Variants in LAMA2 observed in about 807,000 individuals in gnomAD.
LAMA2 encodes laminin subunit alpha-2.
LAMA2 carries 269 observed loss-of-function variants against 364.8 expected under a neutral mutation model. The observed-to-expected ratio is 0.74, with a 90% confidence interval of 0.67 to 0.82. LAMA2 has a LOEUF of 0.82. Ranked by LOEUF, LAMA2 falls within the 40% of genes least tolerant of loss-of-function variation. The probability of loss-of-function intolerance (pLI) is 0.00; values close to 1 mark genes in which losing one functional copy is unlikely to be tolerated. For synonymous variants in LAMA2, 1,379 were observed against 1,370.6 expected, an observed-to-expected ratio of 1.01 and a Z score of -0.14; for missense variants, 3,807 against 3,873.2, an observed-to-expected ratio of 0.98 and a Z score of 0.45.
At position 129,290,278 on chromosome 6, in the gene LAMA2, A is replaced by T. The variant is rs550897816; in HGVS notation, c.2750-1336A>T. ...GAAACTTTCATAAAATAATAAAAGTATATACAAATTCGATAAATCAGATGA... is the reference window on the plus strand; with the variant it reads ...GAAACTTTCATAAAATAATAAAAGTTTATACAAATTCGATAAATCAGATGA... On this transcript the variant is annotated intron_variant, in intron 19 of 64. Transcript: ENST00000421865. Among the ~76,000 whole-genome samples, 5 of 152,322 alleles carry T rather than the reference A, an allele frequency of 3.3e-5. No individual in the cohort carries two copies. The East Asian group carries it at 9.6e-4, about 29-fold the overall frequency.
chr6:129,251,807 C>A (rs1434192298), intron 13 of LAMA2, among the ~76,000 whole-genome samples: 1 of 151,876 alleles, frequency 6.6e-6, no homozygotes, highest in African/African-American at 2.4e-5. Flanking sequence ...TGGTGGCAGG[C>A]GCCTGTAATC....
intron 1 of LAMA2, among the ~76,000 whole-genome samples, chr6:128,894,078 A>G (rs1029475168): frequency 6.6e-6 from 1 of 152,152 alleles, no homozygotes; most frequent in Admixed American, 6.5e-5. Context: ...TTCTATACCA[A>G]AACTCAGTAA....
chr6:129,264,186 G>T (rs1258315791), intron 15 of LAMA2, among the ~76,000 whole-genome samples: 1 of 152,158 alleles, frequency 6.6e-6, no homozygotes, highest in African/African-American at 2.4e-5. Flanking sequence ...TAGGATCATG[G>T]CAGGGAATAT....
intron 1 of LAMA2, among the ~76,000 whole-genome samples, chr6:128,981,319 C>T (rs1388410455): frequency 6.6e-6 from 1 of 152,124 alleles, no homozygotes; most frequent in East Asian, 1.9e-4. Flanking sequence ...TGGTCGGCTT[C>T]TGTCACCCAG....
At chr6:129,412,264 G>T (rs1583688372) in intron 40 of LAMA2, among the ~76,000 whole-genome samples, 1 of 152,106 alleles carries the variant, frequency 6.6e-6, no homozygotes, top group South Asian at 2.1e-4. Flanking sequence ...TTCTTCAGGG[G>T]ACCTCAGTAA....
At chr6:129,474,756 ATTCTAT>A (rs1783984897) in intron 52 of LAMA2, among the ~76,000 whole-genome samples, 1 of 152,216 alleles carries the variant, frequency 6.6e-6, no homozygotes, top group Non-Finnish European at 1.5e-5. Context: ...TGCCTGTTAA[ATTCTAT>A]AAAATCTGTT....
chr6:128,925,918 G>T (rs1043888267), intron 1 of LAMA2, among the ~76,000 whole-genome samples: 2 of 151,938 alleles, frequency 1.3e-5, no homozygotes, highest in Non-Finnish European at 2.9e-5. Flanking sequence ...AACTTCCTGG[G>T]CCTAAACTGA....
chr6:129,256,256 T>C (rs1786654080), intron 14 of LAMA2, among the ~76,000 whole-genome samples: 1 of 152,178 alleles, frequency 6.6e-6, no homozygotes, highest in African/African-American at 2.4e-5. Flanking sequence ...GACAAGGCTC[T>C]TTACTCCTCT....
chr6:129,081,410 A>T (rs1312795900), intron 3 of LAMA2, among the ~76,000 whole-genome samples: 1 of 152,184 alleles, frequency 6.6e-6, no homozygotes, highest in Non-Finnish European at 1.5e-5. Context: ...AAAGAAACTT[A>T]AAAAAAATGA....
intron 12 of LAMA2, among the ~76,000 whole-genome samples, chr6:129,229,614 C>T (rs924440937): frequency 9.2e-5 from 14 of 151,820 alleles, no homozygotes; most frequent in African/African-American, 3.4e-4. Flanking sequence ...AACAGATAGA[C>T]CAGTTAAGAG....
intron 30 of LAMA2, among the ~76,000 whole-genome samples, chr6:129,344,883 AG>A (rs1418017592): frequency 6.6e-6 from 1 of 152,186 alleles, no homozygotes; most frequent in Admixed American, 6.5e-5. Flanking sequence ...AGCACATAGA[AG>A]CCAATAACGT....
intron 7 of LAMA2, among the ~76,000 whole-genome samples, chr6:129,149,536 A>G (rs1349073987): frequency 6.6e-6 from 1 of 152,152 alleles, no homozygotes; most frequent in Non-Finnish European, 1.5e-5. Flanking sequence ...AGACATTTTA[A>G]ATTAATACCA....
intron 4 of LAMA2, among the ~76,000 whole-genome samples, chr6:129,134,154 G>A (rs564192095): frequency 1.2e-4 from 18 of 152,156 alleles, no homozygotes; most frequent in East Asian, 3.8e-4. Flanking sequence ...TGATTGTTCC[G>A]TCTCACCAAT....
chr6:129,086,857 A>G (rs914277157), intron 3 of LAMA2, among the ~76,000 whole-genome samples: 6 of 152,192 alleles, frequency 3.9e-5, no homozygotes, highest in African/African-American at 1.4e-4. Flanking sequence ...TCTAAGGTAG[A>G]ATTCATTTTC....
chr6:129,107,749 A>G (rs1431928756), intron 4 of LAMA2, among the ~76,000 whole-genome samples: 1 of 152,208 alleles, frequency 6.6e-6, no homozygotes, highest in Non-Finnish European at 1.5e-5. Context: ...AACAGGTATT[A>G]CAGAGAGGTC....
At chr6:128,892,719 A>C (rs1183816416) in intron 1 of LAMA2, among the ~76,000 whole-genome samples, 1 of 151,934 alleles carries the variant, frequency 6.6e-6, no homozygotes, top group Non-Finnish European at 1.5e-5. Flanking sequence ...GACTCTCCCT[A>C]ATTACTATAG....
At chr6:129,282,530 G>A (rs1788793666) in intron 18 of LAMA2, among the ~76,000 whole-genome samples, 1 of 152,100 alleles carries the variant, frequency 6.6e-6, no homozygotes, top group East Asian at 1.9e-4. Flanking sequence ...TTATATGCAA[G>A]GGTAGAGGGG....
At chr6:129,504,207 C>A (rs1583915952) in intron 60 of LAMA2, among the ~76,000 whole-genome samples, 2 of 152,314 alleles carry the variant, frequency 1.3e-5, no homozygotes, top group East Asian at 3.9e-4. Flanking sequence ...AAGGAATCTT[C>A]ATTTTTGCTG....
chr6:129,369,401 C>T (rs1479036130), intron 33 of LAMA2, among the ~76,000 whole-genome samples: 2 of 152,170 alleles, frequency 1.3e-5, no homozygotes, highest in Admixed American at 6.5e-5. Flanking sequence ...ACACCGAGGA[C>T]AGGCCAGTTA....
Sources: gnomAD v4.1 joint callset for allele counts (sites outside exome capture counted in the v4.1 genomes callset) on GRCh38, gnomAD v4.1.1 for gene constraint, MANE v1.5 for transcripts, NCBI Gene and HGNC (gene_info 2026-07-23, HGNC 2026-07-21) for gene names.